The following SYNPO2 variants were observed in gnomAD, a reference collection of about 807,000 sequenced individuals.
SYNPO2 encodes synaptopodin-2.
In SYNPO2, 56 loss-of-function variants were observed where a neutral mutation model predicts 85.0. That is an observed-to-expected ratio of 0.66 (90% CI 0.53 to 0.82). The LOEUF is 0.82. SYNPO2 is among the 40% of genes least tolerant of loss of function. The pLI, the probability that SYNPO2 is intolerant of heterozygous loss-of-function variation, is 0.00. For missense variants in SYNPO2, 1,575 were observed against 1,534.2 expected, an observed-to-expected ratio of 1.03 and a Z score of -0.44; for synonymous variants, 602 against 591.1, an observed-to-expected ratio of 1.02 and a Z score of -0.27.
At chr4:119,040,950 A>G (rs17330202) in intron 4 of SYNPO2, among the ~76,000 whole-genome samples, 12,402 of 152,298 alleles carry the variant, frequency 0.081, 685 homozygotes, top group Non-Finnish European at 0.11. Flanking sequence ...CTTTCCAAAA[A>G]CAGAAAGAGT....
chr4:118,900,741 G>C (rs62326791), intron 1 of SYNPO2, among the ~76,000 whole-genome samples: 4 of 86,280 alleles, frequency 4.6e-5, no homozygotes, highest in African/African-American at 8.3e-5. Context: ...ATGTCTGTCT[G>C]TCTATCTATC....
At chr4:118,900,695 CTCTCTCTCTATATATATATATA>C (rs1380519862) in intron 1 of SYNPO2, among the ~76,000 whole-genome samples, 8 of 42,074 alleles carry the variant, frequency 1.9e-4, no homozygotes, top group African/African-American at 5.5e-4. Context: ...CTCTCTCTCT[CTCTCTCTCTATATATATATATA>C]TATATATATA....
intron 4 of SYNPO2, chr4:119,037,814 A>G (rs1738577493): frequency 8.9e-6 from 2 of 224,812 alleles, no homozygotes; most frequent in East Asian, 1.8e-4. Context: ...GCTAGGTATG[A>G]TCATTATCCC....
intron 1 of SYNPO2, among the ~76,000 whole-genome samples, chr4:118,894,768 G>C (rs187352827): frequency 1.1e-3 from 166 of 151,690 alleles, no homozygotes; most frequent in African/African-American, 3.8e-3. Context: ...ACTTCTCTAG[G>C]CTAACTGAAA....
At chr4:118,925,273 C>T (rs1206042835) in intron 1 of SYNPO2, among the ~76,000 whole-genome samples, 1 of 152,132 alleles carries the variant, frequency 6.6e-6, no homozygotes, top group Non-Finnish European at 1.5e-5. Flanking sequence ...ATTACCTGGA[C>T]TGACTGACAT....
At chr4:118,887,356 A>C (rs1188644336), upstream of SYNPO2, among the ~76,000 whole-genome samples, 1 of 152,202 alleles carries the variant, frequency 6.6e-6, no homozygotes, top group Non-Finnish European at 1.5e-5. Context: ...TTTCAAAAAA[A>C]ATTCATAAAA....
intron 1 of SYNPO2, among the ~76,000 whole-genome samples, chr4:119,008,761 T>A (rs58627829): frequency 0.034 from 5,143 of 150,382 alleles, 287 homozygotes; most frequent in African/African-American, 0.12. Context: ...TTAAGTAAAA[T>A]TTTTTTTTTG....
At chr4:118,906,210 C>T (rs1049549700) in intron 1 of SYNPO2, among the ~76,000 whole-genome samples, 7 of 151,706 alleles carry the variant, frequency 4.6e-5, no homozygotes, top group Admixed American at 2.0e-4. Context: ...TGAGGTTTTG[C>T]TTTTTTTTAA....
Position 119,031,834 on chromosome 4 carries a change from A to C in SYNPO2, c.3059A>C (p.Gln1020Pro). 1 of 1,614,204 alleles carries C rather than the reference A, an allele frequency of 6.2e-7. No individual in the cohort carries two copies. The highest frequency in any genetic ancestry group is 8.5e-7 in the Non-Finnish European group (1 of 1,180,046). ...PVNAASPTNVQASSVYSVPAY... is the reference protein window; with the variant it reads ...PVNAASPTNVPASSVYSVPAY... ...AATGCTGCCTCACCTACGAATGTGC[A>C]GGCTTCGTCAGTGTACTCGGTACCA... The change falls in exon 4 of 5, where the codon CAG becomes CCG. Residue 1020 changes from glutamine to proline, a missense_variant. Physicochemically the swap from Gln to Pro is moderately conservative, Grantham distance 76. Coordinates refer to ENST00000307142, the MANE Select transcript of SYNPO2 (RefSeq NM_133477.3).
intron 1 of SYNPO2, 89 bp from the exon 2 acceptor site, chr4:119,023,341 A>G: frequency 7.3e-7 from 1 of 1,376,490 alleles, no homozygotes; most frequent in Admixed American, 2.6e-5. Flanking sequence ...GGCTGGTGTT[A>G]CTGTTGACAG....
intron 1 of SYNPO2, among the ~76,000 whole-genome samples, chr4:118,941,946 TG>T (rs749190425): frequency 4.6e-5 from 7 of 152,314 alleles, no homozygotes; most frequent in Non-Finnish European, 7.4e-5. Context: ...TGGCAGGCTT[TG>T]GGACATAGGA....
rs1382596152 is a variant in SYNPO2, at chr4:118,883,767, G to T, written c.12+32827G>T. ...AAACCCAAATAAAATAAAAGGAGGC[G>T]GGCTTATGTGCTCTTTGATCAGGGC... On this transcript the variant is annotated intron_variant, in intron 1 of 4. Transcript: ENST00000610556. Among the ~76,000 whole-genome samples the T allele has an allele frequency of 2.0e-5, 3 of 151,138 alleles. No individual in the cohort carries two copies. In the East Asian group the frequency reaches 5.8e-4, roughly 29 times the overall value.
intron 4 of SYNPO2, 112 bp from the exon 5 acceptor site, chr4:119,057,289 A>AT: frequency 8.7e-7 from 1 of 1,149,704 alleles, no homozygotes; most frequent in Non-Finnish European, 1.2e-6. Context: ...ATTTATTTTT[A>AT]TTTTTATTTT....
chr4:118,904,088 A>T (rs907788112), intron 1 of SYNPO2, among the ~76,000 whole-genome samples: 1 of 152,090 alleles, frequency 6.6e-6, no homozygotes, highest in African/African-American at 2.4e-5. Context: ...AGCTCTATTT[A>T]GAGCAAATGG....
intron 1 of SYNPO2, among the ~76,000 whole-genome samples, chr4:118,930,996 T>C (rs756573856): frequency 2.0e-5 from 3 of 151,942 alleles, no homozygotes; most frequent in Non-Finnish European, 4.4e-5. Flanking sequence ...CCCACAGGGA[T>C]GACTCAGATT....
chr4:118,879,462 C>G (rs1415509631), intron 1 of SYNPO2, among the ~76,000 whole-genome samples: 1 of 152,028 alleles, frequency 6.6e-6, no homozygotes, highest in Non-Finnish European at 1.5e-5. Context: ...GATTAGTGCC[C>G]CTGTAAGACG....
At chr4:118,953,539 TATC>T (rs1734767537) in intron 1 of SYNPO2, among the ~76,000 whole-genome samples, 1 of 151,914 alleles carries the variant, frequency 6.6e-6, no homozygotes, top group East Asian at 1.9e-4. Context: ...GCAGAGGTAT[TATC>T]AACTTCAGCC....
chr4:118,986,968 C>T (rs889094254), intron 1 of SYNPO2, among the ~76,000 whole-genome samples: 1 of 152,214 alleles, frequency 6.6e-6, no homozygotes, highest in Non-Finnish European at 1.5e-5. Flanking sequence ...CATTCATAGG[C>T]ACTGCAAATG....
intron 1 of SYNPO2, among the ~76,000 whole-genome samples, chr4:119,003,186 G>T (rs183148578): frequency 5.1e-4 from 78 of 152,242 alleles, no homozygotes; most frequent in Non-Finnish European, 1.0e-3. Context: ...CCTTATGGCT[G>T]GGGAGGCCTC....
Sources: gnomAD v4.1 joint callset for allele counts (sites outside exome capture counted in the v4.1 genomes callset) on GRCh38, gnomAD v4.1.1 for gene constraint, MANE v1.5 for transcripts, NCBI Gene and HGNC (gene_info 2026-07-23, HGNC 2026-07-21) for gene names.